The following ZNF423 variants were observed in gnomAD, a reference collection of about 807,000 sequenced individuals.
ZNF423 encodes Ebf-associated zinc finger protein.
A neutral mutation model predicts 95.8 loss-of-function variants in ZNF423; 12 were observed. The observed-to-expected ratio is 0.13, with a 90% CI of 0.08 to 0.20. The LOEUF is 0.20. Among genes scored for constraint, ZNF423 ranks in the 10% least tolerant of loss-of-function variants. The probability of loss-of-function intolerance (pLI) is 1.00; values close to 1 mark genes in which losing one functional copy is unlikely to be tolerated. For synonymous variants in ZNF423, 749 were observed against 711.9 expected, an observed-to-expected ratio of 1.05 and a Z score of -0.83; for missense variants, 1,316 against 1,737.1, an observed-to-expected ratio of 0.76 and a Z score of 4.31.
At position 49,559,314 on chromosome 16, in the gene ZNF423, A is replaced by T. The variant is rs553971212; in HGVS notation, c.3602-33820T>A. On this transcript the variant is annotated intron_variant, in intron 5 of 7. Transcript: ENST00000563137. ...GTCAGGGAACAGGGTACAGTACGGG[A>T]AATAAAAAGAAAAACAGAAAAGCAA... 1.8e-3 allele frequency among the ~76,000 whole-genome samples: 281 copies of T among 152,372 alleles called. 3 individuals are homozygous for T. Among genetic ancestry groups the T allele is most frequent in the South Asian group, 3.5e-3 (17 of 4,826 alleles).
At chr16:49,587,262 C>T (rs549457606) in intron 5 of ZNF423, among the ~76,000 whole-genome samples, 1 of 152,272 alleles carries the variant, frequency 6.6e-6, no homozygotes, top group African/African-American at 2.4e-5. Context: ...GCCTTGGAAA[C>T]GGTCCCTGTG....
At position 49,835,385 on chromosome 16, in the gene ZNF423, G is replaced by C. The variant is rs561584234; in HGVS notation, c.40+20350C>G. On this transcript the variant is annotated intron_variant, in intron 1 of 7. Transcript: ENST00000563137. Reference sequence around the variant, plus strand: ...AGGCCAAGTCAGGCCTCATCACCGGGAAGAAGGGTGAGCATGGGCCCCACA... The same window carrying C: ...AGGCCAAGTCAGGCCTCATCACCGGCAAGAAGGGTGAGCATGGGCCCCACA... 2.6e-5 allele frequency among the ~76,000 whole-genome samples: 4 copies of C among 152,328 alleles called. No individual in the cohort carries two copies. The East Asian group carries it at 7.7e-4, about 29-fold the overall frequency.
intron 1 of ZNF423, among the ~76,000 whole-genome samples, chr16:49,800,930 T>C (rs1381798703): frequency 6.6e-6 from 1 of 152,196 alleles, no homozygotes; most frequent in Non-Finnish European, 1.5e-5. Flanking sequence ...CGTTCTGTCC[T>C]GGTCCAGCCC....
intron 2 of ZNF423, among the ~76,000 whole-genome samples, chr16:49,774,437 G>A (rs2034087029): frequency 6.6e-6 from 1 of 152,062 alleles, no homozygotes; most frequent in Non-Finnish European, 1.5e-5. Flanking sequence ...AGGGAGAGGG[G>A]GCTCCAGCCA....
chr16:49,664,246 T>C (rs1413675645), intron 3 of ZNF423: 1 of 985,284 alleles, frequency 1.0e-6, no homozygotes, highest in East Asian at 1.1e-4. Flanking sequence ...ACGGGACGCA[T>C]CCCCACCCGG....
chr16:49,652,166 C>T (rs1234928149), intron 3 of ZNF423, among the ~76,000 whole-genome samples: 8 of 152,030 alleles, frequency 5.3e-5, no homozygotes, highest in African/African-American at 1.7e-4. Flanking sequence ...CTCCCTCCCC[C>T]GCCCCCACAT....
chr16:49,858,725 C>CCCCCGCCCCCG (rs2035399221), upstream of ZNF423, among the ~76,000 whole-genome samples: 1 of 143,144 alleles, frequency 7.0e-6, no homozygotes, highest in Non-Finnish European at 1.6e-5. The surrounding 1 kb of genome is among the most constrained non-coding windows in gnomAD (Gnocchi z 4.3). Flanking sequence ...GAGCCCCCCC[C>CCCCCGCCCCCG]CCCACGCCCC....
rs997676738 is a variant in ZNF423 at position 49,492,745 on chromosome 16, C to T, written c.3850-1441G>A. Among the ~76,000 whole-genome samples, 1 of 152,202 alleles carries T rather than the reference C, an allele frequency of 6.6e-6. No individual in the cohort carries two copies. Among genetic ancestry groups the T allele is most frequent in the East Asian group, 1.9e-4 (1 of 5,186 alleles). ...TGGGCATGCGTGCTCTGTGCCGTGGCAGGCACCGCTCTTTCAATCCTCACA... is the reference window on the plus strand; with the variant it reads ...TGGGCATGCGTGCTCTGTGCCGTGGTAGGCACCGCTCTTTCAATCCTCACA... On this transcript the variant is annotated intron_variant, in intron 7 of 7. Transcript: ENST00000563137. This position sits in a 1 kb window ranked among gnomAD's most constrained non-coding sequence, Gnocchi z 4.2.
chr16:49,608,431 T>C (rs767418206), intron 5 of ZNF423, among the ~76,000 whole-genome samples: 3 of 152,076 alleles, frequency 2.0e-5, no homozygotes, highest in Non-Finnish European at 4.4e-5. Flanking sequence ...TTTATGGAGG[T>C]TCTCAGTTGC....
chr16:49,571,566 C>A (rs1037862112), intron 5 of ZNF423, among the ~76,000 whole-genome samples: 5 of 152,100 alleles, frequency 3.3e-5, no homozygotes, highest in Non-Finnish European at 7.4e-5. Context: ...TCTGACCACT[C>A]TACAGAGACT....
At chr16:49,755,234 A>T (rs112388466) in intron 2 of ZNF423, among the ~76,000 whole-genome samples, 30 of 152,264 alleles carry the variant, frequency 2.0e-4, no homozygotes, top group Admixed American at 5.9e-4. Flanking sequence ...GCAAATAACA[A>T]AGCAGGCGGG....
upstream of ZNF423, among the ~76,000 whole-genome samples, chr16:49,856,574 G>A (rs1266567393): frequency 6.6e-6 from 1 of 151,698 alleles, no homozygotes; most frequent in African/African-American, 2.4e-5. Flanking sequence ...TACTTGGAGG[G>A]GAGGCTCGAA....
At chr16:49,621,919 C>T (rs1230346351) in intron 5 of ZNF423, among the ~76,000 whole-genome samples, 1 of 152,206 alleles carries the variant, frequency 6.6e-6, no homozygotes, top group Non-Finnish European at 1.5e-5. Flanking sequence ...CAGGACCACA[C>T]CAGGTGGGTC....
chr16:49,806,986 C>T (rs2034674242), intron 1 of ZNF423, among the ~76,000 whole-genome samples: 1 of 148,460 alleles, frequency 6.7e-6, no homozygotes, highest in African/African-American at 2.5e-5. Flanking sequence ...GAGATCGTGC[C>T]ATTGCACTCC....
intron 1 of ZNF423, among the ~76,000 whole-genome samples, chr16:49,805,022 C>T (rs1189005489): frequency 6.6e-6 from 1 of 151,692 alleles, no homozygotes; most frequent in Non-Finnish European, 1.5e-5. Flanking sequence ...GCCTCAGCCT[C>T]CCAAGTAGCT....
intron 2 of ZNF423, among the ~76,000 whole-genome samples, chr16:49,750,037 G>A (rs1273186656): frequency 6.6e-6 from 1 of 152,200 alleles, no homozygotes; most frequent in African/African-American, 2.4e-5. Context: ...TGAAGGGAAG[G>A]CTGCCGTCAG....
intron 3 of ZNF423, among the ~76,000 whole-genome samples, chr16:49,725,702 T>C (rs13335486): frequency 0.35 from 53,149 of 152,086 alleles, 9,761 homozygotes; most frequent in Middle Eastern, 0.56. Flanking sequence ...CAGAGTCCCA[T>C]AGTGCCTCGC....
chr16:49,716,320 C>G (rs1312885988), intron 3 of ZNF423, among the ~76,000 whole-genome samples: 1 of 152,062 alleles, frequency 6.6e-6, no homozygotes, highest in Non-Finnish European at 1.5e-5. Flanking sequence ...TGAGGCAGCA[C>G]CAACCTGCTC....
intron 5 of ZNF423, among the ~76,000 whole-genome samples, chr16:49,625,811 G>A (rs548766929): frequency 6.6e-6 from 1 of 152,370 alleles, no homozygotes; most frequent in East Asian, 1.9e-4. Flanking sequence ...ACCATGTTGA[G>A]TAGGGAAATG....
Sources: gnomAD v4.1 joint callset for allele counts (sites outside exome capture counted in the v4.1 genomes callset) on GRCh38, gnomAD v4.1.1 for gene constraint, Gnocchi (gnomAD v3.1) non-coding constraint, MANE v1.5 for transcripts, NCBI Gene and HGNC (gene_info 2026-07-23, HGNC 2026-07-21) for gene names.